Variants in CBX7 observed in about 807,000 individuals in gnomAD.
CBX7 encodes chromobox protein homolog 7.
A neutral mutation model predicts 31.4 loss-of-function variants in CBX7; 14 were observed. The observed-to-expected ratio is 0.45, with a 90% CI of 0.29 to 0.70. The LOEUF (loss-of-function observed/expected upper bound fraction) is 0.70, where lower values mean the gene tolerates loss of function less well. CBX7 is among the 30% of genes least tolerant of loss of function. The pLI is 0.11. For synonymous variants in CBX7, 159 were observed against 152.6 expected, an observed-to-expected ratio of 1.04 and a Z score of -0.31; for missense variants, 269 against 351.9, an observed-to-expected ratio of 0.76 and a Z score of 1.89.
In CBX7 at chr22:39,132,259, C is replaced by T. The variant is rs1284507328; in HGVS notation, c.*1632G>A. ...AGGGATTTGGGGAAAGAATCACCCT[C>T]TCCTTGCCTCAGTAGACTCTGTGAC... On this transcript the variant is annotated 3_prime_UTR_variant, in exon 6 of 6. Transcript: ENST00000216133. 1.3e-5 allele frequency: 2 copies of T among 152,292 alleles called. No individual in the cohort carries two copies. The highest frequency in any genetic ancestry group is 4.8e-5 in the African/African-American group (2 of 41,452). 9.4% of individuals were successfully genotyped at this position (152,292 alleles called of 1,614,324 possible). A position where few individuals can be genotyped will look rare whatever the true frequency, so the allele number is the denominator to read the frequency against.
rs937723018 is a variant in CBX7 at position 39,133,300 on chromosome 22, G to A, written c.*591C>T. The A allele has an allele frequency of 2.0e-5, 3 of 152,442 alleles. No homozygotes were observed. Among genetic ancestry groups the A allele is most frequent in the African/African-American group, 7.2e-5 (3 of 41,430 alleles). 9.4% of individuals were successfully genotyped at this position (152,442 alleles called of 1,614,324 possible). A position where few individuals can be genotyped will look rare whatever the true frequency, so the allele number is the denominator to read the frequency against. On this transcript the variant is annotated 3_prime_UTR_variant, in exon 6 of 6. Coordinates refer to ENST00000216133, the MANE Select transcript of CBX7 (RefSeq NM_175709.5). The stretch of plus-strand genomic sequence containing the variant: ...TGATGAGGGGAGGGCAGAGCTCTCA[G>A]CAGAAGGGTCTCAGCGGCGCCTCCT...
intron 2 of CBX7, among the ~76,000 whole-genome samples, chr22:39,145,059 G>A (rs985972416): frequency 6.6e-6 from 1 of 152,156 alleles, no homozygotes; most frequent in South Asian, 2.1e-4. Flanking sequence ...GGGAGGGGGC[G>A]TCGCCCCCTC....
At chr22:39,145,665 C>CCGCGCGCACGCACGCACGGGGAGGGG (rs1555913749) in intron 2 of CBX7, among the ~76,000 whole-genome samples, 11 of 150,566 alleles carry the variant, frequency 7.3e-5, no homozygotes, top group Admixed American at 3.3e-4. Flanking sequence ...CCCCCGCCGG[C>CCGCGCGCACGCACGCACGGGGAGGGG]CGCGCGCACG....
At chr22:39,143,775 T>C (rs1442592190) in intron 2 of CBX7, among the ~76,000 whole-genome samples, 1 of 152,240 alleles carries the variant, frequency 6.6e-6, no homozygotes, top group Non-Finnish European at 1.5e-5. Context: ...TCACACGCTG[T>C]GCATGCTTGT....
chr22:39,135,581 A>G (rs887209109), intron 4 of CBX7: 2 of 152,234 alleles, frequency 1.3e-5, no homozygotes, highest in African/African-American at 2.4e-5. Flanking sequence ...GTGAGGTCAA[A>G]CACCTCCAAG....
chr22:39,142,355 CCAGG>C (rs1163419448), intron 2 of CBX7, among the ~76,000 whole-genome samples: 4 of 152,216 alleles, frequency 2.6e-5, no homozygotes, highest in Non-Finnish European at 5.9e-5. Context: ...TGCACCCCAC[CCAGG>C]CCACAGCCAG....
chr22:39,134,194 G>A, intron 5 of CBX7, 146 bp from the exon 6 acceptor site: 1 of 903,396 alleles, frequency 1.1e-6, no homozygotes. Context: ...TTGGGAGGAG[G>A]GCACTGGGTG....
intron 3 of CBX7, among the ~76,000 whole-genome samples, chr22:39,139,579 T>TGGGACCGA (rs1487340008): frequency 3.3e-5 from 5 of 151,560 alleles, no homozygotes; most frequent in Non-Finnish European, 5.9e-5. Context: ...GGCGGGCACC[T>TGGGACCGA]GTAGTCCCAG....
chr22:39,148,289 G>A (rs2235686), intron 2 of CBX7: 26,060 of 152,278 alleles, frequency 0.17, 2,827 homozygotes, highest in East Asian at 0.43. Context: ...GCAGTGGGCA[G>A]ATGGATTCAC....
intron 3 of CBX7, among the ~76,000 whole-genome samples, chr22:39,140,201 A>G (rs1346991044): frequency 6.6e-6 from 1 of 152,148 alleles, no homozygotes; most frequent in Non-Finnish European, 1.5e-5. Flanking sequence ...CACGGCACCT[A>G]TTGCAAATGT....
intron 2 of CBX7, among the ~76,000 whole-genome samples, chr22:39,144,160 A>G (rs1004656324): frequency 1.1e-4 from 17 of 152,110 alleles, no homozygotes; most frequent in African/African-American, 4.1e-4. Flanking sequence ...ATGCTGCCCA[A>G]CGACAGAATG....
chr22:39,134,470 G>C lies in CBX7; in HGVS notation c.529C>G (p.Pro177Ala), dbSNP rs199636114. The change falls in exon 5 of 6, where the codon CCA (proline) becomes GCA (alanine). Residue 177 changes from proline to alanine, a missense_variant. This residue lies in a region of CBX7 where 222 missense variants were observed against 240.4 expected (regional missense o/e 0.92). Coordinates refer to ENST00000216133, the MANE Select transcript of CBX7 (RefSeq NM_175709.5). The part of the protein sequence containing the change: ...SHRRELFLQE[P>A]PAPDVLQAAG... ...GCCTGCAGGACGTCTGGGGCCGGTG[G>C]CTCCTGCAGGAAGAGCTCCCGTCGA... The C allele has an allele frequency of 1.2e-6, 2 of 1,609,100 alleles. No homozygotes were observed. The highest frequency in any genetic ancestry group is 3.3e-5 in the Admixed American group (2 of 59,992).
Position 39,137,579 on chromosome 22 carries a change from C to T in CBX7, c.246+1057G>A, listed in dbSNP as rs562397138. Among the ~76,000 whole-genome samples the T allele has an allele frequency of 5.3e-5, 8 of 152,222 alleles. No individual in the cohort carries two copies. The South Asian group carries it at 1.7e-3, about 32-fold the overall frequency. ...GGCCAGGCTGGTTTTGAACTTCTGA[C>T]CTCAGGTGATCCACCCGCCTCGGCC... On this transcript the variant is annotated intron_variant, in intron 4 of 5. Transcript: ENST00000216133.
intron 3 of CBX7, among the ~76,000 whole-genome samples, chr22:39,138,991 C>A (rs1236409480): frequency 6.6e-6 from 1 of 152,184 alleles, no homozygotes; most frequent in African/African-American, 2.4e-5. Context: ...GGGCCATGTG[C>A]GGGCTCTGCT....
chr22:39,148,993 TG>T, intron 2 of CBX7: 1 of 151,764 alleles, frequency 6.6e-6, no homozygotes, highest in Non-Finnish European at 1.5e-5. Context: ...GGGCAGGGGG[TG>T]GGGCACCCAC....
chr22:39,145,193 G>A lies in CBX7; in HGVS notation c.114-3757C>T, dbSNP rs149238494. Among the ~76,000 whole-genome samples, 616 of 152,360 alleles carry A rather than the reference G, an allele frequency of 4.0e-3. 5 individuals are homozygous for A. Among genetic ancestry groups the A allele is most frequent in the African/African-American group, 0.014 (598 of 41,586 alleles). The stretch of plus-strand genomic sequence containing the variant: ...GGTCTGAGATAACAGGGTCGCACTT[G>A]GCTGCCGAGTGCAGCCCCAAGTGGG... On this transcript the variant is annotated intron_variant, in intron 2 of 5. Coordinates refer to ENST00000216133, the MANE Select transcript of CBX7 (RefSeq NM_175709.5).
intron 4 of CBX7, chr22:39,136,171 C>T (rs898239884): frequency 2.6e-5 from 4 of 151,894 alleles, no homozygotes; most frequent in African/African-American, 9.7e-5. Context: ...TTGGCAACCT[C>T]ATCACGAGAG....
intron 2 of CBX7, chr22:39,148,562 C>T (rs1486640050): frequency 6.6e-6 from 1 of 152,250 alleles, no homozygotes. Context: ...TGGAAGCCCA[C>T]CTTCTAGCAG....
chr22:39,134,072 G>C, intron 5 of CBX7, 24 bp from the exon 6 acceptor site: 1 of 1,571,506 alleles, frequency 6.4e-7, no homozygotes, highest in Non-Finnish European at 8.7e-7. Flanking sequence ...CACACAGATG[G>C]GGGCAGCGTT....
Sources: gnomAD v4.1 joint callset for allele counts (sites outside exome capture counted in the v4.1 genomes callset) on GRCh38, gnomAD v4.1.1 for gene constraint, gnomAD v4.1.1 regional missense constraint, MANE v1.5 for transcripts, NCBI Gene and HGNC (gene_info 2026-07-23, HGNC 2026-07-21) for gene names.